The following CTNNA3 variants were observed in gnomAD, a reference collection of about 807,000 sequenced individuals.
CTNNA3 encodes the protein catenin alpha 3, also known as catenin alpha-3.
A neutral mutation model predicts 95.7 loss-of-function variants in CTNNA3; 76 were observed. The ratio of observed to expected loss-of-function variants is 0.79; its 90% CI spans 0.66 to 0.96. The LOEUF (loss-of-function observed/expected upper bound fraction) is 0.96. CTNNA3 is among the 40% of genes least tolerant of loss of function. CTNNA3 has a pLI of 0.00. For synonymous variants in CTNNA3, 431 were observed against 374.4 expected, an observed-to-expected ratio of 1.15 and a Z score of -1.74; for missense variants, 1,191 against 1,089.8, an observed-to-expected ratio of 1.09 and a Z score of -1.31.
chr10:67,390,434 G>T (rs896337007), intron 5 of CTNNA3, among the ~76,000 whole-genome samples: 3 of 152,246 alleles, frequency 2.0e-5, no homozygotes, highest in African/African-American at 7.2e-5. Context: ...ACCAAAAAGA[G>T]TCCAGGACCA....
chr10:67,338,123 C>T (rs995488429), intron 5 of CTNNA3, among the ~76,000 whole-genome samples: 1 of 152,142 alleles, frequency 6.6e-6, no homozygotes, highest in South Asian at 2.1e-4. Context: ...AAAGAAATAC[C>T]CAAGGCTGGG....
At chr10:67,258,679 A>C (rs915597203) in intron 5 of CTNNA3, among the ~76,000 whole-genome samples, 5 of 152,160 alleles carry the variant, frequency 3.3e-5, no homozygotes, top group Non-Finnish European at 7.4e-5. Flanking sequence ...TGAAAACTGA[A>C]GCCCCAAAGG....
chr10:66,182,909 C>T (rs1487183516), intron 13 of CTNNA3, among the ~76,000 whole-genome samples: 2 of 152,094 alleles, frequency 1.3e-5, no homozygotes, highest in Non-Finnish European at 2.9e-5. Context: ...GTGAACGTAA[C>T]ATTAAATGTG....
At chr10:66,302,470 C>T (rs1302036324) in intron 12 of CTNNA3, among the ~76,000 whole-genome samples, 1 of 151,920 alleles carries the variant, frequency 6.6e-6, no homozygotes, top group Non-Finnish European at 1.5e-5. Flanking sequence ...AAAGAATATA[C>T]ATAAAGTAAA....
At chr10:66,965,141 C>T (rs1341972745) in intron 7 of CTNNA3, among the ~76,000 whole-genome samples, 1 of 152,134 alleles carries the variant, frequency 6.6e-6, no homozygotes, top group Non-Finnish European at 1.5e-5. Context: ...GCCAAAAAGA[C>T]AGCTGGGAGC....
At chr10:67,260,663 CTGTTT>C (rs970822576) in intron 5 of CTNNA3, among the ~76,000 whole-genome samples, 10 of 149,378 alleles carry the variant, frequency 6.7e-5, no homozygotes, top group South Asian at 2.1e-4. Context: ...GTGACTTTCA[CTGTTT>C]TGTTTTGTTT....
At chr10:66,558,012 G>A (rs915110628) in intron 10 of CTNNA3, among the ~76,000 whole-genome samples, 1 of 152,016 alleles carries the variant, frequency 6.6e-6, no homozygotes, top group Non-Finnish European at 1.5e-5. Flanking sequence ...TGACCTTCAA[G>A]GACAATCATA....
intron 11 of CTNNA3, among the ~76,000 whole-genome samples, chr10:66,419,471 C>G (rs1472999725): frequency 6.6e-6 from 1 of 152,028 alleles, no homozygotes; most frequent in Admixed American, 6.5e-5. Context: ...ACTCCATAAA[C>G]AACCTAAAGA....
chr10:67,351,291 G>C (rs1231751065), intron 5 of CTNNA3, among the ~76,000 whole-genome samples: 1 of 151,722 alleles, frequency 6.6e-6, no homozygotes, highest in Non-Finnish European at 1.5e-5. Flanking sequence ...GTGGTAATGG[G>C]TTACATAACT....
At chr10:67,763,362 T>A (rs905899841) in intron 1 of CTNNA3, among the ~76,000 whole-genome samples, 2 of 152,104 alleles carry the variant, frequency 1.3e-5, no homozygotes, top group African/African-American at 4.8e-5. Context: ...CACAATTAAA[T>A]GGGTGTAGAC....
chr10:67,271,324 T>C (rs1479421834), intron 5 of CTNNA3, among the ~76,000 whole-genome samples: 1 of 152,160 alleles, frequency 6.6e-6, no homozygotes, highest in East Asian at 1.9e-4. Flanking sequence ...CTTGTGATAG[T>C]GAGTTCGTTC....
At chr10:67,744,729 G>A (rs1302993837) in intron 1 of CTNNA3, among the ~76,000 whole-genome samples, 1 of 147,566 alleles carries the variant, frequency 6.8e-6, no homozygotes, top group African/African-American at 2.6e-5. Context: ...CTACAGAATG[G>A]GAGAAAATTT....
In CTNNA3 at chr10:67,535,199, T is replaced by C. The variant is rs1171289782; in HGVS notation, c.459+4304A>G. 1.2e-4 allele frequency among the ~76,000 whole-genome samples: 18 copies of C among 152,192 alleles called. 1 individual carries two copies. Among genetic ancestry groups the C allele is most frequent in the Admixed American group, 1.2e-3 (18 of 15,276 alleles). On this transcript the variant is annotated intron_variant, in intron 4 of 17. Transcript: ENST00000433211. ...AAATGAAATAAAGAAGCATGGTTTATACAGCAGCCCAATGAAGCAAGCTTG... is the reference window on the plus strand; with the variant it reads ...AAATGAAATAAAGAAGCATGGTTTACACAGCAGCCCAATGAAGCAAGCTTG...
In CTNNA3 at chr10:67,675,639, A is replaced by T. The variant is rs1315684533; in HGVS notation, c.-6+20361T>A. On this transcript the variant is annotated intron_variant, in intron 1 of 17. Transcript: ENST00000433211. The stretch of plus-strand genomic sequence containing the variant: ...TTCTGCCCACATTCCGACAGGCAAA[A>T]CAAGTCATATGGCCAAGTCTAACAT... Among the ~76,000 whole-genome samples the T allele has an allele frequency of 4.6e-5, 7 of 152,160 alleles. No individual in the cohort carries two copies. The East Asian group carries it at 1.3e-3, about 29-fold the overall frequency.
intron 5 of CTNNA3, chr10:67,346,728 CCCT>C (rs1842432002): frequency 2.0e-6 from 1 of 508,904 alleles, no homozygotes; most frequent in African/African-American, 2.0e-5. Flanking sequence ...CAAATTTCTT[CCCT>C]CAACTATCTA....
chr10:66,866,931 G>C (rs1328599136), intron 7 of CTNNA3, among the ~76,000 whole-genome samples: 1 of 152,084 alleles, frequency 6.6e-6, no homozygotes, highest in Non-Finnish European at 1.5e-5. Flanking sequence ...GAATCATAGA[G>C]GTGGTTTCCT....
intron 7 of CTNNA3, among the ~76,000 whole-genome samples, chr10:66,952,258 G>A (rs1848574518): frequency 6.6e-6 from 1 of 152,114 alleles, no homozygotes; most frequent in African/African-American, 2.4e-5. Context: ...CTATGCAGGG[G>A]ACAGAGCTTC....
chr10:67,280,645 C>T (rs1216035826), intron 5 of CTNNA3, among the ~76,000 whole-genome samples: 1 of 152,034 alleles, frequency 6.6e-6, no homozygotes, highest in Non-Finnish European at 1.5e-5. Flanking sequence ...TGACTCCACC[C>T]CATTCTCCCA....
At chr10:66,362,444 C>T (rs1040585977) in intron 12 of CTNNA3, among the ~76,000 whole-genome samples, 16 of 151,380 alleles carry the variant, frequency 1.1e-4, no homozygotes, top group Non-Finnish European at 1.6e-4. Flanking sequence ...GGTGCAGTGG[C>T]GCATGCCTGT....
Sources: gnomAD v4.1 joint callset for allele counts (sites outside exome capture counted in the v4.1 genomes callset) on GRCh38, gnomAD v4.1.1 for gene constraint, MANE v1.5 for transcripts, NCBI Gene and HGNC (gene_info 2026-07-23, HGNC 2026-07-21) for gene names.